Variants in ATF7IP observed in about 807,000 individuals in gnomAD.
ATF7IP encodes the protein activating transcription factor 7 interacting protein, also known as activating transcription factor 7-interacting protein 1.
ATF7IP carries 23 observed loss-of-function variants against 106.4 expected under a neutral mutation model. The ratio of observed to expected loss-of-function variants is 0.22; its 90% CI spans 0.16 to 0.31. The LOEUF is 0.31. Among genes scored for constraint, ATF7IP ranks in the 10% least tolerant of loss-of-function variants. The pLI is 1.00. For synonymous variants in ATF7IP, 542 were observed against 539.0 expected, an observed-to-expected ratio of 1.01 and a Z score of -0.08; for missense variants, 1,334 against 1,524.3, an observed-to-expected ratio of 0.88 and a Z score of 2.08.
chr12:14,473,842 G>A (rs1944152798), intron 10 of ATF7IP, among the ~76,000 whole-genome samples: 1 of 150,954 alleles, frequency 6.6e-6, no homozygotes, highest in Admixed American at 6.6e-5. Flanking sequence ...CTTTGAATAT[G>A]TTGTTCCAGT....
chr12:14,491,614 A>G (rs1944828497), intron 13 of ATF7IP, among the ~76,000 whole-genome samples: 2 of 152,222 alleles, frequency 1.3e-5, no homozygotes, highest in Non-Finnish European at 2.9e-5. Context: ...TTATGACACA[A>G]AGCTGGAGAG....
chr12:14,430,490 A>G (rs1030906591), intron 2 of ATF7IP, among the ~76,000 whole-genome samples: 2 of 152,238 alleles, frequency 1.3e-5, no homozygotes, highest in African/African-American at 2.4e-5. Flanking sequence ...GCCATTCTGT[A>G]TTGGTTAAAT....
chr12:14,458,448 T>C (rs1943517232), intron 8 of ATF7IP, among the ~76,000 whole-genome samples: 1 of 152,202 alleles, frequency 6.6e-6, no homozygotes, highest in Non-Finnish European at 1.5e-5. Flanking sequence ...TTTAATACTA[T>C]CCAGTAGTAG....
Position 14,424,550 on chromosome 12 carries a change from G to T in ATF7IP, c.635G>T (p.Gly212Val). 2 of 1,614,132 alleles carry T rather than the reference G, an allele frequency of 1.2e-6. No individual in the cohort carries two copies. The highest frequency in any genetic ancestry group is 2.2e-5 in the South Asian group (2 of 91,080). Residue 212 changes from glycine (G) to valine (V), a missense_variant, in exon 2 of 15, where the codon GGT becomes GTT. Transcript: ENST00000261168. ...CCCACCTCTAGTGATCCCATCCCAG[G>T]TGAACCGGTCCCTGTTGAACCCATT... Reference protein sequence around the residue: ...GDPTSSDPIPGEPVPVEPISG... With the variant: ...GDPTSSDPIPVEPVPVEPISG...
At chr12:14,390,426 G>A (rs561807661) in intron 1 of ATF7IP, among the ~76,000 whole-genome samples, 1 of 152,274 alleles carries the variant, frequency 6.6e-6, no homozygotes, top group Non-Finnish European at 1.5e-5. Context: ...ATACTAATTA[G>A]AAACATCTAA....
chr12:14,444,353 T>C (rs1942851433), intron 5 of ATF7IP, among the ~76,000 whole-genome samples: 1 of 152,222 alleles, frequency 6.6e-6, no homozygotes, highest in Admixed American at 6.5e-5. Context: ...ATATTTGTTA[T>C]AGGCCAACCT....
intron 10 of ATF7IP, among the ~76,000 whole-genome samples, chr12:14,474,659 A>G (rs930370932): frequency 6.6e-6 from 1 of 152,168 alleles, no homozygotes; most frequent in Non-Finnish European, 1.5e-5. Context: ...TCAGCCAACC[A>G]AAGTACTGGG....
chr12:14,374,154 G>C (rs115865832), intron 1 of ATF7IP, among the ~76,000 whole-genome samples: 2,683 of 151,070 alleles, frequency 0.018, 86 homozygotes, highest in African/African-American at 0.062. Flanking sequence ...CTGGAGTGCA[G>C]TGGTGTGATC....
intron 6 of ATF7IP, among the ~76,000 whole-genome samples, chr12:14,447,935 T>G (rs923641404): frequency 1.3e-5 from 2 of 152,186 alleles, no homozygotes; most frequent in Admixed American, 1.3e-4. Context: ...TGGTGTTTCC[T>G]TCATTTTTCC....
rs537014482 is a variant in ATF7IP, at chr12:14,382,066, G to A, written c.-8+16239G>A. On this transcript the variant is annotated intron_variant, in intron 1 of 14. Coordinates refer to ENST00000261168, the MANE Select transcript of ATF7IP (RefSeq NM_018179.5). ...ATTTTAAAAATTAGCCAGTTGTGGTGGTGTACACCTGTGGTCCCAGTTACT... is the reference window on the plus strand; with the variant it reads ...ATTTTAAAAATTAGCCAGTTGTGGTAGTGTACACCTGTGGTCCCAGTTACT... 3.3e-5 allele frequency among the ~76,000 whole-genome samples: 5 copies of A among 152,228 alleles called. No homozygotes were observed. The East Asian group carries it at 7.7e-4, about 24-fold the overall frequency.
chr12:14,474,920 G>A (rs1332210602), intron 10 of ATF7IP, among the ~76,000 whole-genome samples: 2 of 152,096 alleles, frequency 1.3e-5, no homozygotes, highest in African/African-American at 4.8e-5. Context: ...TTTGGTGTTT[G>A]TAAATAACCC....
chr12:14,424,344 TCCAGCCTCCGGAGTA>T lies in ATF7IP; in HGVS notation c.431_445del (p.Pro144_Val148del). ...CCCCTGGTGATCTGGATGCCGGAGATCCAGCCTCCGGAGTACTGGCCTCTGGTGATTCCACCTCTG... is the reference window on the plus strand; with the variant it reads ...CCCCTGGTGATCTGGATGCCGGAGATCTGGCCTCTGGTGATTCCACCTCTG... On this transcript the variant is annotated inframe_deletion, in exon 2 of 15. Transcript: ENST00000261168. 1 of 1,614,166 alleles carries T rather than the reference TCCAGCCTCCGGAGTA, an allele frequency of 6.2e-7. No individual in the cohort carries two copies. The highest frequency in any genetic ancestry group is 8.5e-7 in the Non-Finnish European group (1 of 1,180,024).
chr12:14,448,011 G>T (rs1943052856), intron 6 of ATF7IP, among the ~76,000 whole-genome samples: 1 of 151,646 alleles, frequency 6.6e-6, no homozygotes. Context: ...ATAGTACTTT[G>T]TATATTGCAT....
At chr12:14,431,062 A>G (rs532695721) in intron 2 of ATF7IP, among the ~76,000 whole-genome samples, 40 of 152,350 alleles carry the variant, frequency 2.6e-4, no homozygotes, top group African/African-American at 9.6e-4. Context: ...TGAAATGGGA[A>G]ACTAAGTCCC....
chr12:14,446,314 A>G (rs1246104706), intron 5 of ATF7IP, among the ~76,000 whole-genome samples: 1 of 151,906 alleles, frequency 6.6e-6, no homozygotes, highest in Non-Finnish European at 1.5e-5. Flanking sequence ...CGCCTGGCTA[A>G]TTTTTGTATT....
chr12:14,372,942 C>T (rs1400362125), intron 1 of ATF7IP, among the ~76,000 whole-genome samples: 2 of 152,112 alleles, frequency 1.3e-5, no homozygotes, highest in Non-Finnish European at 2.9e-5. Flanking sequence ...GTAAAAGGAA[C>T]TTTCTTTGGT....
At chr12:14,489,256 A>G (rs1324601740) in intron 13 of ATF7IP, among the ~76,000 whole-genome samples, 1 of 152,196 alleles carries the variant, frequency 6.6e-6, no homozygotes, top group Non-Finnish European at 1.5e-5. Context: ...CCATTGTGGA[A>G]CAGTAGACTG....
chr12:14,467,968 T>C (rs1315631291), intron 10 of ATF7IP, among the ~76,000 whole-genome samples: 1 of 152,118 alleles, frequency 6.6e-6, no homozygotes, highest in African/African-American at 2.4e-5. Flanking sequence ...AATATTTTGC[T>C]GAAATATAGT....
In ATF7IP at chr12:14,496,247, G is replaced by A; in HGVS notation, c.3297G>A (p.Val1099=). 6.2e-7 allele frequency: 1 copy of A among 1,611,884 alleles called. No individual in the cohort carries two copies. The highest frequency in any genetic ancestry group is 1.7e-4 in the Middle Eastern group (1 of 6,056). Residue 1099 remains valine (V), a synonymous_variant, in exon 14 of 15, where the codon GTG becomes GTA. Coordinates refer to ENST00000261168, the MANE Select transcript of ATF7IP (RefSeq NM_018179.5). ...TGTTTGTAGGTGTTACAGTTCGAGT[G>A]CCTCAAACAACCACATATGTTGTAA... ...VNPQNSVTVR[V]PQTTTYVVNN... is the part of the protein sequence containing the mutation.
Sources: gnomAD v4.1 joint callset for allele counts (sites outside exome capture counted in the v4.1 genomes callset) on GRCh38, gnomAD v4.1.1 for gene constraint, MANE v1.5 for transcripts, NCBI Gene and HGNC (gene_info 2026-07-23, HGNC 2026-07-21) for gene names.